The following ABL1 variants were observed in gnomAD, a reference collection of about 807,000 sequenced individuals.
ABL1 encodes the protein tyrosine-protein kinase ABL1.
In ABL1, 11 loss-of-function variants were observed where a neutral mutation model predicts 94.7. That is an observed-to-expected ratio of 0.12 (90% CI 0.07 to 0.19). The LOEUF is 0.19. ABL1 is among the 10% of genes least tolerant of loss of function. The pLI is 1.00. For synonymous variants in ABL1, 656 were observed against 622.4 expected, an observed-to-expected ratio of 1.05 and a Z score of -0.80; for missense variants, 1,082 against 1,489.4, an observed-to-expected ratio of 0.73 and a Z score of 4.50.
At chr9:130,787,379 T>G (rs1413828859) in intron 1 of ABL1, among the ~76,000 whole-genome samples, 2 of 152,044 alleles carry the variant, frequency 1.3e-5, no homozygotes, top group Non-Finnish European at 2.9e-5. Flanking sequence ...TGGTGTGAGC[T>G]CCCGTGTGAG....
intron 10 of ABL1, among the ~76,000 whole-genome samples, chr9:130,881,397 A>C (rs1454103570): frequency 6.6e-6 from 1 of 152,194 alleles, no homozygotes; most frequent in African/African-American, 2.4e-5. Flanking sequence ...TAAAGGAAAG[A>C]GGTTTCACTG....
rs947077282 is a variant in ABL1 at position 130,885,075 on chromosome 9, G to C, written c.2785G>C (p.Gly929Arg). The change falls in exon 11 of 11, where the codon GGC becomes CGC. Residue 929 changes from glycine to arginine, a missense_variant. Gly to Arg is a moderately radical substitution (Grantham distance 125). Coordinates refer to ENST00000318560, the MANE Select transcript of ABL1 (RefSeq NM_005157.6). ...GGAGGCGGCCGGGGAGGCAGTCCTG[G>C]GCGCAAAGACAAAAGCCACGAGTCT... Reference protein sequence around the residue: ...SQEAAGEAVLGAKTKATSLVD... With the variant: ...SQEAAGEAVLRAKTKATSLVD... The C allele has an allele frequency of 6.2e-7, 1 of 1,610,042 alleles. No homozygotes were observed. Among genetic ancestry groups the C allele is most frequent in the African/African-American group, 1.3e-5 (1 of 74,828 alleles).
At chr9:130,826,086 A>T (rs573073891) in intron 1 of ABL1, among the ~76,000 whole-genome samples, 4 of 152,310 alleles carry the variant, frequency 2.6e-5, no homozygotes, top group African/African-American at 9.6e-5. Flanking sequence ...TATATAACCT[A>T]TCTGTGTCAC....
At chr9:130,761,627 T>C (rs971102290) in intron 1 of ABL1, among the ~76,000 whole-genome samples, 1 of 152,246 alleles carries the variant, frequency 6.6e-6, no homozygotes, top group African/African-American at 2.4e-5. Flanking sequence ...GCATCACGCG[T>C]GGTGCCACTC....
rs35270714 is a variant in ABL1, at chr9:130,880,249, A to C, written c.1513+92A>C. 38,811 of 1,384,804 alleles carry C rather than the reference A, an allele frequency of 0.028. 864 individuals are homozygous for C. Among genetic ancestry groups the C allele is most frequent in the African/African-American group, 0.1 (7,016 of 70,258 alleles). 85.8% of individuals were successfully genotyped at this position (1,384,804 alleles called of 1,614,324 possible). ...GTCATTCGGTTCACTTCCTGGTGAA[A>C]GTTCACAGACCAGCCTGTCCTGAGA... is the stretch of plus-strand genomic sequence containing the variant. On this transcript the variant is annotated intron_variant, in intron 9 of 10. Transcript: ENST00000318560. This position sits in a 1 kb window ranked among gnomAD's most constrained non-coding sequence, Gnocchi z 4.4.
rs1831431048 is a variant in ABL1 at position 130,880,399 on chromosome 9, A to G, written c.1514-101A>G. 1.1e-5 allele frequency: 15 copies of G among 1,407,994 alleles called. No individual in the cohort carries two copies. The highest frequency in any genetic ancestry group is 1.5e-5 in the Non-Finnish European group (15 of 1,021,884). 87.2% of individuals were successfully genotyped at this position (1,407,994 alleles called of 1,614,324 possible). On this transcript the variant is annotated intron_variant, in intron 9 of 10. Transcript: ENST00000318560. The surrounding 1 kb of genome is among the most constrained non-coding windows in gnomAD (Gnocchi z 4.4). ...GTGCCTTTTCTTTAGTTGTATGCAGATGAGCACTGTTACCTTACAAAGAAA... is the reference window on the plus strand; with the variant it reads ...GTGCCTTTTCTTTAGTTGTATGCAGGTGAGCACTGTTACCTTACAAAGAAA...
At chr9:130,873,896 C>A (rs1462642234) in intron 6 of ABL1, among the ~76,000 whole-genome samples, 1 of 152,142 alleles carries the variant, frequency 6.6e-6, no homozygotes, top group Non-Finnish European at 1.5e-5. Flanking sequence ...GCTGGCGGCT[C>A]CTTGTAAGAC....
At chr9:130,875,663 C>T (rs1236396013) in intron 7 of ABL1, among the ~76,000 whole-genome samples, 1 of 152,128 alleles carries the variant, frequency 6.6e-6, no homozygotes, top group Non-Finnish European at 1.5e-5. Context: ...CTTCAGTATT[C>T]CTAGTAATGG....
intron 1 of ABL1, among the ~76,000 whole-genome samples, chr9:130,716,072 C>CTTTTTTTTTTTTTTTT (rs71389339): frequency 1.1e-5 from 1 of 91,218 alleles, no homozygotes; most frequent in Non-Finnish European, 2.3e-5. Flanking sequence ...GAAAAATGTC[C>CTTTTTTTTTTTTTTTT]TTTTTTTTTT....
rs772034542 is a variant in ABL1, at chr9:130,854,288, G to A, written c.253+51G>A. The A allele has an allele frequency of 3.1e-6, 5 of 1,588,272 alleles. No homozygotes were observed. The South Asian group carries it at 5.7e-5, about 18-fold the overall frequency. On this transcript the variant is annotated intron_variant, in intron 2 of 10. Coordinates refer to ENST00000318560, the MANE Select transcript of ABL1 (RefSeq NM_005157.6). ...GTGGTTGCAGGAGATAGAAATCTGG[G>A]AATTGCGGTTTGACCTACCACCCTT...
At chr9:130,751,946 C>T (rs148883256) in intron 1 of ABL1, among the ~76,000 whole-genome samples, 4 of 152,146 alleles carry the variant, frequency 2.6e-5, no homozygotes, top group East Asian at 1.9e-4. Context: ...TTTCAGCCTC[C>T]GCACTATTAG....
chr9:130,738,302 C>T (rs1831771418), intron 1 of ABL1, among the ~76,000 whole-genome samples: 2 of 152,122 alleles, frequency 1.3e-5, no homozygotes, highest in South Asian at 4.1e-4. Flanking sequence ...ATAGTAGTAA[C>T]AGGTAACTTG....
At chr9:130,829,479 G>A (rs556569646) in intron 1 of ABL1, among the ~76,000 whole-genome samples, 5 of 151,654 alleles carry the variant, frequency 3.3e-5, no homozygotes, top group African/African-American at 9.7e-5. Flanking sequence ...GGAGAATGGC[G>A]TGGTGAACCC....
chr9:130,873,140 C>CTA lies in ABL1; in HGVS notation c.1085+104_1085+105dup, dbSNP rs1052826078. 4.3e-5 allele frequency: 53 copies of CTA among 1,222,418 alleles called. No individual in the cohort carries two copies. The African/African-American group carries it at 6.7e-4, about 15-fold the overall frequency. The allele number at this position is 1,222,418 out of a possible 1,614,324, so 75.7% of individuals were successfully genotyped here. On this transcript the variant is annotated intron_variant, in intron 6 of 10. Coordinates refer to ENST00000318560, the MANE Select transcript of ABL1 (RefSeq NM_005157.6). ...CCTAGGAGGTCTCAGGGCGCAGCTTCTAACCTCAGTGCTGGCAACACATTG... is the reference window on the plus strand; with the variant it reads ...CCTAGGAGGTCTCAGGGCGCAGCTTCTATAACCTCAGTGCTGGCAACACATTG...
At chr9:130,742,350 T>C (rs1831830799) in intron 1 of ABL1, among the ~76,000 whole-genome samples, 1 of 152,144 alleles carries the variant, frequency 6.6e-6, no homozygotes, top group Admixed American at 6.5e-5. Context: ...CATTTAAAGC[T>C]TTTTCTCCAT....
intron 1 of ABL1, among the ~76,000 whole-genome samples, chr9:130,784,637 G>T (rs965786751): frequency 6.6e-6 from 1 of 152,144 alleles, no homozygotes; most frequent in African/African-American, 2.4e-5. Flanking sequence ...GTCTGGTCTG[G>T]TCTGGTCCCT....
At chr9:130,752,994 C>A (rs1377367911) in intron 1 of ABL1, among the ~76,000 whole-genome samples, 1 of 150,164 alleles carries the variant, frequency 6.7e-6, no homozygotes, top group African/African-American at 2.5e-5. Flanking sequence ...CAGTGGCTCA[C>A]GCCTGTAGTC....
At chr9:130,764,553 C>G (rs1832156901) in intron 1 of ABL1, among the ~76,000 whole-genome samples, 1 of 152,180 alleles carries the variant, frequency 6.6e-6, no homozygotes, top group African/African-American at 2.4e-5. Flanking sequence ...GTGCAGATTT[C>G]TTTTTCGTGG....
At chr9:130,804,861 C>A (rs768405830) in intron 1 of ABL1, among the ~76,000 whole-genome samples, 17 of 152,104 alleles carry the variant, frequency 1.1e-4, no homozygotes, top group Admixed American at 4.6e-4. Context: ...ATATTAACTT[C>A]TATTTCTAGC....
Sources: allele counts gnomAD v4.1 joint callset (sites outside exome capture counted in the v4.1 genomes callset), GRCh38; gene constraint gnomAD v4.1.1; non-coding constraint Gnocchi (gnomAD v3.1); transcripts MANE v1.5; gene names NCBI Gene and HGNC (gene_info 2026-07-23, HGNC 2026-07-21).